The following ZCCHC17 variants were observed in gnomAD, a reference collection of about 807,000 sequenced individuals.
The protein encoded by ZCCHC17 is zinc finger CCHC domain-containing protein 17.
In ZCCHC17, 18 loss-of-function variants were observed where a neutral mutation model predicts 30.6. The ratio of observed to expected loss-of-function variants is 0.59; its 90% CI spans 0.41 to 0.87. The LOEUF (loss-of-function observed/expected upper bound fraction) is 0.87, where lower values mean the gene tolerates loss of function less well. ZCCHC17 is among the 40% of genes least tolerant of loss of function. The pLI is 0.00. For missense variants in ZCCHC17, 263 were observed against 284.2 expected (o/e 0.93, Z 0.54); for synonymous variants, 88 against 92.4 (o/e 0.95, Z 0.27).
chr1:31,303,217 G>A (rs1646362720), intron 1 of ZCCHC17, among the ~76,000 whole-genome samples: 1 of 152,170 alleles, frequency 6.6e-6, no homozygotes, highest in East Asian at 1.9e-4. Context: ...AGGAGGTCAA[G>A]GCTGCAGGGA....
At chr1:31,318,099 G>T in intron 2 of ZCCHC17, 1 of 1,193,160 alleles carries the variant, frequency 8.4e-7, no homozygotes, top group South Asian at 1.5e-5. Context: ...TGCATATAGT[G>T]AGTATTCAGT....
At chr1:31,342,552 TA>T (rs1399954061) in intron 5 of ZCCHC17, among the ~76,000 whole-genome samples, 4 of 152,312 alleles carry the variant, frequency 2.6e-5, no homozygotes, top group African/African-American at 9.6e-5. Flanking sequence ...TAAATTCTCA[TA>T]GGGGGTGCGC....
intron 3 of ZCCHC17, among the ~76,000 whole-genome samples, chr1:31,325,670 G>A (rs1221900096): frequency 6.6e-6 from 1 of 152,206 alleles, no homozygotes; most frequent in Admixed American, 6.5e-5. Context: ...GATCTGGGAC[G>A]GCAGCATGAG....
In ZCCHC17 at chr1:31,357,999, A is replaced by C. The variant is rs558051538; in HGVS notation, c.565-6033A>C. Among the ~76,000 whole-genome samples, 18 of 152,086 alleles carry C rather than the reference A, an allele frequency of 1.2e-4. No individual in the cohort carries two copies. The South Asian group carries it at 3.5e-3, about 30-fold the overall frequency. ...GAACTCCCGACCTCGGGTGATCCACACACCTCGGCCTCCCAAAATGCTGGG... is the reference window on the plus strand; with the variant it reads ...GAACTCCCGACCTCGGGTGATCCACCCACCTCGGCCTCCCAAAATGCTGGG... On this transcript the variant is annotated intron_variant, in intron 7 of 7. Transcript: ENST00000344147.
Position 31,337,239 on chromosome 1 carries a change from T to G in ZCCHC17, c.189T>G (p.Val63=). 6.2e-7 allele frequency: 1 copy of G among 1,614,014 alleles called. No homozygotes were observed. The highest frequency in any genetic ancestry group is 8.5e-7 in the Non-Finnish European group (1 of 1,179,940). The change falls in exon 4 of 8, where the codon GTT becomes GTG. Residue 63 remains valine, a synonymous_variant. Coordinates refer to ENST00000344147, the MANE Select transcript of ZCCHC17 (RefSeq NM_016505.4). ...ATAAGCCCTCTGAGATAGTAGATGT[T>G]GGAGATAAAGTGTGGGTGAAGCTTA... ...RVDKPSEIVD[V]GDKVWVKLIG...
intron 5 of ZCCHC17, among the ~76,000 whole-genome samples, chr1:31,343,097 A>G (rs1431735318): frequency 6.6e-6 from 1 of 152,164 alleles, no homozygotes; most frequent in East Asian, 1.9e-4. Context: ...ATTTTTTGAG[A>G]TGGACTCTTG....
At chr1:31,341,097 C>T (rs923112315) in intron 5 of ZCCHC17, among the ~76,000 whole-genome samples, 5 of 152,218 alleles carry the variant, frequency 3.3e-5, no homozygotes, top group Non-Finnish European at 4.4e-5. Flanking sequence ...AAAACTCAGT[C>T]TCTCTGACCT....
In ZCCHC17 at chr1:31,362,193, T is replaced by C. The variant is rs968040655; in HGVS notation, c.565-1839T>C. 7.2e-5 allele frequency among the ~76,000 whole-genome samples: 11 copies of C among 152,298 alleles called. No homozygotes were observed. The East Asian group carries it at 1.9e-3, about 27-fold the overall frequency. The stretch of plus-strand genomic sequence containing the variant: ...AGATGACTTGCCCACGGATGCAGAA[T>C]AGTAAATGGCAGAGCCAGAACTCAG... On this transcript the variant is annotated intron_variant, in intron 7 of 7. Transcript: ENST00000344147.
At chr1:31,305,097 A>G (rs1436690115) in intron 1 of ZCCHC17, among the ~76,000 whole-genome samples, 1 of 152,092 alleles carries the variant, frequency 6.6e-6, no homozygotes, top group African/African-American at 2.4e-5. Flanking sequence ...CCTTTGCCTA[A>G]TTACTGAGGA....
At chr1:31,323,755 A>G (rs1207411271) in intron 3 of ZCCHC17, among the ~76,000 whole-genome samples, 1 of 152,252 alleles carries the variant, frequency 6.6e-6, no homozygotes, top group African/African-American at 2.4e-5. Flanking sequence ...TTTGAGATTA[A>G]TAAATATTTT....
chr1:31,314,287 G>C (rs1379808238), intron 2 of ZCCHC17, among the ~76,000 whole-genome samples: 4 of 152,250 alleles, frequency 2.6e-5, no homozygotes, highest in African/African-American at 9.6e-5. Flanking sequence ...TACTATTTCA[G>C]TAGCATATTT....
intron 3 of ZCCHC17, among the ~76,000 whole-genome samples, chr1:31,322,619 G>A (rs1646886397): frequency 6.6e-6 from 1 of 152,134 alleles, no homozygotes; most frequent in South Asian, 2.1e-4. Flanking sequence ...TTATATGGAG[G>A]ATCTGTTATA....
chr1:31,300,950 A>T (rs1381613985), intron 1 of ZCCHC17, among the ~76,000 whole-genome samples: 1 of 151,836 alleles, frequency 6.6e-6, no homozygotes, highest in African/African-American at 2.4e-5. Context: ...AAAAAAAGAA[A>T]AAAAAGGGTG....
At chr1:31,335,255 T>C (rs1432787321) in intron 3 of ZCCHC17, among the ~76,000 whole-genome samples, 1 of 152,234 alleles carries the variant, frequency 6.6e-6, no homozygotes, top group East Asian at 1.9e-4. Context: ...TTTTTTGTAG[T>C]TTACAATCCT....
At chr1:31,351,894 C>A (rs1639482744) in intron 7 of ZCCHC17, among the ~76,000 whole-genome samples, 1 of 152,176 alleles carries the variant, frequency 6.6e-6, no homozygotes, top group African/African-American at 2.4e-5. Context: ...ATACTCATAA[C>A]CCCCAAATTA....
intron 1 of ZCCHC17, among the ~76,000 whole-genome samples, chr1:31,301,818 T>C (rs1263031804): frequency 6.6e-6 from 1 of 152,226 alleles, no homozygotes; most frequent in Non-Finnish European, 1.5e-5. Context: ...TTTCCTGCTT[T>C]TGGCTATTTT....
At chr1:31,358,005 C>T (rs12061859) in intron 7 of ZCCHC17, among the ~76,000 whole-genome samples, 8,268 of 152,182 alleles carry the variant, frequency 0.054, 451 homozygotes, top group South Asian at 0.21. Context: ...CCACACACCT[C>T]GGCCTCCCAA....
At chr1:31,329,887 T>C (rs1638514732) in intron 3 of ZCCHC17, among the ~76,000 whole-genome samples, 1 of 152,206 alleles carries the variant, frequency 6.6e-6, no homozygotes, top group South Asian at 2.1e-4. Context: ...GGGAGGACCA[T>C]GTTTCATTAA....
At chr1:31,313,495 T>C (rs1345221726) in intron 2 of ZCCHC17, among the ~76,000 whole-genome samples, 1 of 152,250 alleles carries the variant, frequency 6.6e-6, no homozygotes, top group Non-Finnish European at 1.5e-5. Flanking sequence ...GGGCAGACTT[T>C]GTGATTATCA....
Sources: gnomAD v4.1 joint callset for allele counts (sites outside exome capture counted in the v4.1 genomes callset) on GRCh38, gnomAD v4.1.1 for gene constraint, MANE v1.5 for transcripts, NCBI Gene and HGNC (gene_info 2026-07-23, HGNC 2026-07-21) for gene names.